The following VWA3B variants were observed in gnomAD, a reference collection of about 807,000 sequenced individuals.
VWA3B encodes the protein von Willebrand factor A domain containing 3B.
In VWA3B, 138 loss-of-function variants were observed where a neutral mutation model predicts 158.3. The observed-to-expected ratio is 0.87, with a 90% CI of 0.76 to 1.00. VWA3B has a LOEUF of 1.00. Ranked by LOEUF, VWA3B falls within the 50% of genes least tolerant of loss-of-function variation. VWA3B has a pLI of 0.00. For synonymous variants in VWA3B, 596 were observed against 587.3 expected, an observed-to-expected ratio of 1.01 and a Z score of -0.21; for missense variants, 1,555 against 1,565.1, an observed-to-expected ratio of 0.99 and a Z score of 0.11.
chr2:98,111,316 C>A (rs1301851858), intron 2 of VWA3B, among the ~76,000 whole-genome samples: 1 of 152,182 alleles, frequency 6.6e-6, no homozygotes, highest in African/African-American at 2.4e-5. Flanking sequence ...AGTCTATACA[C>A]ACCATGTGGT....
intron 22 of VWA3B, among the ~76,000 whole-genome samples, chr2:98,289,098 C>T (rs906574383): frequency 3.3e-5 from 5 of 151,472 alleles, no homozygotes; most frequent in African/African-American, 7.2e-5. Flanking sequence ...ATACACTGGC[C>T]AATTGAAGAA....
chr2:98,109,476 T>C (rs1231498283), intron 2 of VWA3B, among the ~76,000 whole-genome samples: 1 of 152,222 alleles, frequency 6.6e-6, no homozygotes, highest in East Asian at 1.9e-4. Context: ...ATGTATTATT[T>C]TATCTTCTTA....
rs183604588 is a variant in VWA3B, at chr2:98,122,793, C to T, written c.702+1335C>T. ...TTCTGGTTCGTGCCTCTCCTTTCTCCGGGGTTCATTCCTATTCCAGGAAGT... is the reference window on the plus strand; with the variant it reads ...TTCTGGTTCGTGCCTCTCCTTTCTCTGGGGTTCATTCCTATTCCAGGAAGT... On this transcript the variant is annotated intron_variant, in intron 5 of 27. Transcript: ENST00000477737. Among the ~76,000 whole-genome samples the T allele has an allele frequency of 2.1e-4, 32 of 152,294 alleles. No individual in the cohort carries two copies. The East Asian group carries it at 3.3e-3, about 16-fold the overall frequency.
chr2:98,274,321 C>G (rs1688390619), intron 22 of VWA3B, among the ~76,000 whole-genome samples: 1 of 152,176 alleles, frequency 6.6e-6, no homozygotes, highest in Non-Finnish European at 1.5e-5. Flanking sequence ...CCAGGGGCCA[C>G]TTAACCATGT....
intron 14 of VWA3B, among the ~76,000 whole-genome samples, chr2:98,225,705 CA>C (rs748819147): frequency 0.011 from 1,189 of 105,626 alleles, 9 homozygotes; most frequent in South Asian, 0.032. Flanking sequence ...AGGAGATCTA[CA>C]AAAAAAAAAA....
chr2:98,092,696 A>G (rs910470785), intron 1 of VWA3B, among the ~76,000 whole-genome samples: 86 of 151,790 alleles, frequency 5.7e-4, no homozygotes, highest in African/African-American at 2.0e-3. Context: ...ACCCCATTTT[A>G]GAAATATTCA....
intron 2 of VWA3B, among the ~76,000 whole-genome samples, chr2:98,109,601 T>C (rs1336170720): frequency 6.6e-6 from 1 of 152,196 alleles, no homozygotes; most frequent in African/African-American, 2.4e-5. Context: ...TTGCTTACTG[T>C]GTTCGTCTTT....
chr2:98,110,355 A>G (rs931947923), intron 2 of VWA3B, among the ~76,000 whole-genome samples: 4 of 151,722 alleles, frequency 2.6e-5, no homozygotes, highest in Admixed American at 6.6e-5. Flanking sequence ...TTTCCATTTT[A>G]TTCTTCTTTA....
chr2:98,180,918 C>T, intron 8 of VWA3B, 98 bp from the exon 9 acceptor site: 1 of 1,197,404 alleles, frequency 8.4e-7, no homozygotes. Context: ...GGCTTTGTGT[C>T]TAATAAAGAA....
intron 26 of VWA3B, among the ~76,000 whole-genome samples, chr2:98,306,935 A>G (rs1485188831): frequency 6.6e-6 from 1 of 152,184 alleles, no homozygotes; most frequent in African/African-American, 2.4e-5. Context: ...ATCACATTCA[A>G]CCTACTAAGT....
intron 23 of VWA3B, among the ~76,000 whole-genome samples, chr2:98,293,629 C>A (rs1050976716): frequency 3.7e-4 from 56 of 152,160 alleles, no homozygotes; most frequent in African/African-American, 1.3e-3. Flanking sequence ...TTCTCTCTTT[C>A]ATACATATAT....
chr2:98,251,664 C>G (rs1686809110), intron 20 of VWA3B, among the ~76,000 whole-genome samples: 1 of 152,178 alleles, frequency 6.6e-6, no homozygotes, highest in South Asian at 2.1e-4. Context: ...ACTATTGGCC[C>G]AGGCCAGCGT....
chr2:98,166,884 C>T (rs777535518), intron 8 of VWA3B, among the ~76,000 whole-genome samples: 2 of 151,264 alleles, frequency 1.3e-5, no homozygotes, highest in Non-Finnish European at 2.9e-5. Flanking sequence ...TTTGAATGTA[C>T]CATCTCTATT....
At chr2:98,257,660 T>C (rs913750809) in intron 21 of VWA3B, among the ~76,000 whole-genome samples, 1 of 152,118 alleles carries the variant, frequency 6.6e-6, no homozygotes, top group Non-Finnish European at 1.5e-5. Context: ...CATGTGCTTG[T>C]TGTCCATTTG....
chr2:98,109,792 C>CT lies in VWA3B; in HGVS notation c.197-5845dup, dbSNP rs35707535. Among the ~76,000 whole-genome samples the CT allele has an allele frequency of 8.4e-3, 1,092 of 130,476 alleles. 17 individuals are homozygous for CT. The East Asian group carries it at 0.099, about 12-fold the overall frequency. 85.6% of individuals were successfully genotyped at this position (130,476 alleles called of 152,430 possible). ...GATGTAAGATTTAGGGTTGATAGTT[C>CT]TTTTTTTTTTTTTTTAGCACTTAAA... is the stretch of plus-strand genomic sequence containing the variant. On this transcript the variant is annotated intron_variant, in intron 2 of 27. Coordinates refer to ENST00000477737, the MANE Select transcript of VWA3B (RefSeq NM_144992.5).
intron 23 of VWA3B, among the ~76,000 whole-genome samples, chr2:98,296,096 C>T (rs1238895087): frequency 6.6e-6 from 1 of 152,238 alleles, no homozygotes; most frequent in African/African-American, 2.4e-5. Flanking sequence ...GTTTAGGCTT[C>T]GTCGGCTACA....
intron 22 of VWA3B, among the ~76,000 whole-genome samples, chr2:98,283,849 G>C (rs1574275877): frequency 6.6e-6 from 1 of 152,318 alleles, no homozygotes; most frequent in East Asian, 1.9e-4. Context: ...ATTGCCCAAA[G>C]TCCCATAGCC....
chr2:98,185,761 GTCTC>G (rs1461203932), intron 9 of VWA3B, among the ~76,000 whole-genome samples: 1 of 152,210 alleles, frequency 6.6e-6, no homozygotes, highest in Non-Finnish European at 1.5e-5. Flanking sequence ...ATACATGGCT[GTCTC>G]TCCACTCGTT....
chr2:98,239,806 C>T (rs1055363692), intron 19 of VWA3B, among the ~76,000 whole-genome samples: 14 of 150,644 alleles, frequency 9.3e-5, no homozygotes, highest in Admixed American at 3.9e-4. Flanking sequence ...CGCAGCTACT[C>T]GGGAGGCTGA....
Sources: allele counts gnomAD v4.1 joint callset (sites outside exome capture counted in the v4.1 genomes callset), GRCh38; gene constraint gnomAD v4.1.1; transcripts MANE v1.5; gene names NCBI Gene and HGNC (gene_info 2026-07-23, HGNC 2026-07-21).